DNASE1: variants seen among roughly 807,000 people sequenced by gnomAD.
DNASE1 encodes the protein deoxyribonuclease 1, also known as deoxyribonuclease-1.
In DNASE1, 40 loss-of-function variants were observed where a neutral mutation model predicts 33.9. The observed-to-expected ratio is 1.18, with a 90% CI of 0.92 to 1.54. DNASE1 has a LOEUF of 1.54. Ranked by LOEUF, DNASE1 falls within the 40% of genes most tolerant of loss-of-function variation. The pLI, the probability that DNASE1 is intolerant of heterozygous loss-of-function variation, is 0.00. For synonymous variants in DNASE1, 216 were observed against 160.0 expected (o/e 1.35, Z -2.64); for missense variants, 518 against 372.6 (o/e 1.39, Z -3.21).
At chr16:3,640,895 C>T (rs908279759), upstream of DNASE1, 7 of 398,480 alleles carry the variant, frequency 1.8e-5, no homozygotes, top group South Asian at 2.5e-4. Context: ...GACAGGAGCC[C>T]GTCACCCATG....
At chr16:3,658,519 C>G (rs2042857540), downstream of DNASE1, 39 of 569,424 alleles carry the variant, frequency 6.8e-5, 2 homozygotes, top group South Asian at 8.3e-4. Context: ...CCCATCTCTA[C>G]TAAAATACAA....
intron 1 of DNASE1, among the ~76,000 whole-genome samples, chr16:3,636,410 T>C (rs541271782): frequency 6.6e-6 from 1 of 152,344 alleles, no homozygotes; most frequent in South Asian, 2.1e-4. Flanking sequence ...AATTCTAACA[T>C]CTCTGCTATT....
chr16:3,655,097 G>A (rs1485966920), intron 1 of DNASE1, 53 bp downstream of exon 1: 22 of 592,270 alleles, frequency 3.7e-5, no homozygotes, highest in South Asian at 3.1e-4. Context: ...GAGCAGGGAG[G>A]GAGGCTTAGA....
Position 3,656,739 on chromosome 16 carries a change from TCTC to T in DNASE1, c.424_426del (p.Ser142del). 1.2e-6 allele frequency: 2 copies of T among 1,609,254 alleles called. No individual in the cohort carries two copies. The highest frequency in any genetic ancestry group is 4.5e-5 in the East Asian group (2 of 44,438). Reference sequence around the variant, plus strand: ...CGAGAGCCAGCCATTGTCAGGTTCTTCTCCCGGTTCACAGGTGGGTGCTGCCTG... The same window carrying T: ...CGAGAGCCAGCCATTGTCAGGTTCTTCCGGTTCACAGGTGGGTGCTGCCTG... On this transcript the variant is annotated inframe_deletion, in exon 5 of 9. Coordinates refer to ENST00000246949, the MANE Select transcript of DNASE1 (RefSeq NM_005223.4).
chr16:3,658,460 G>A, downstream of DNASE1: 1 of 583,100 alleles, frequency 1.7e-6, no homozygotes, highest in Non-Finnish European at 3.0e-6. Flanking sequence ...GGGCACGGTG[G>A]CTCACGAGGT....
At chr16:3,635,860 C>G (rs2041853956) in intron 1 of DNASE1, among the ~76,000 whole-genome samples, 1 of 151,984 alleles carries the variant, frequency 6.6e-6, no homozygotes, top group Non-Finnish European at 1.5e-5. Flanking sequence ...TTCTCTTTGT[C>G]TTTGATTTTC....
At chr16:3,616,589 C>G (rs911865027) in intron 1 of DNASE1, among the ~76,000 whole-genome samples, 1 of 152,136 alleles carries the variant, frequency 6.6e-6, no homozygotes, top group Non-Finnish European at 1.5e-5. Context: ...ACACTGCACT[C>G]CAGCCTGGGT....
chr16:3,659,175 G>T, downstream of DNASE1: 1 of 291,144 alleles, frequency 3.4e-6, no homozygotes, highest in African/African-American at 2.2e-5. Context: ...TAAAAGAGAA[G>T]GGAGTAAGAC....
chr16:3,654,344 G>A, upstream of DNASE1: 1 of 398,836 alleles, frequency 2.5e-6, no homozygotes, highest in Admixed American at 4.4e-5. Flanking sequence ...CCCCACCACT[G>A]CTTGTTCCGA....
chr16:3,640,742 G>T, upstream of DNASE1: 1 of 398,648 alleles, frequency 2.5e-6, no homozygotes. Flanking sequence ...GGAACAGCAA[G>T]ATGGCAAAAG....
At chr16:3,656,904 C>G (rs557074344) in intron 5 of DNASE1, 95 bp from the exon 6 acceptor site, 2 of 1,553,042 alleles carry the variant, frequency 1.3e-6, no homozygotes, top group African/African-American at 2.7e-5. Flanking sequence ...ATATCCACCC[C>G]CCGGGGGGAC....
At chr16:3,614,166 C>A (rs1333407849) in intron 1 of DNASE1, among the ~76,000 whole-genome samples, 1 of 152,064 alleles carries the variant, frequency 6.6e-6, no homozygotes, top group Non-Finnish European at 1.5e-5. Context: ...CCCGCCTTGG[C>A]CTCCCAGAGT....
intron 1 of DNASE1, among the ~76,000 whole-genome samples, chr16:3,613,032 A>C (rs1357779939): frequency 6.6e-6 from 1 of 152,210 alleles, no homozygotes; most frequent in African/African-American, 2.4e-5. Flanking sequence ...GTGTACATTC[A>C]GTGGTTTCCA....
downstream of DNASE1, chr16:3,658,415 T>C (rs2042850837): frequency 6.5e-6 from 4 of 611,766 alleles, no homozygotes; most frequent in East Asian, 2.8e-5. Flanking sequence ...CCACCACGCC[T>C]GGCCATTTTT....
intron 1 of DNASE1, among the ~76,000 whole-genome samples, chr16:3,626,210 A>G (rs2041505350): frequency 3.9e-5 from 6 of 152,200 alleles, no homozygotes; most frequent in Admixed American, 3.9e-4. Flanking sequence ...TAAAAAAAAA[A>G]AAATAGAAAA....
At chr16:3,625,870 C>T (rs1347259667) in intron 1 of DNASE1, among the ~76,000 whole-genome samples, 3 of 151,910 alleles carry the variant, frequency 2.0e-5, no homozygotes, top group African/African-American at 4.8e-5. Flanking sequence ...GAGGCCGAGG[C>T]AGAAGGATCG....
At position 3,657,443 on chromosome 16, in the gene DNASE1, C is replaced by T; in HGVS notation, c.704+102C>T. Reference sequence around the variant, plus strand: ...AGCCTCAAAGCCTTTGAACACTCACCCAACTGAGCTTCAGTTGATCCACTA... The same window carrying T: ...AGCCTCAAAGCCTTTGAACACTCACTCAACTGAGCTTCAGTTGATCCACTA... On this transcript the variant is annotated intron_variant, in intron 7 of 8. Transcript: ENST00000246949. 8 of 1,467,982 alleles carry T rather than the reference C, an allele frequency of 5.4e-6. No homozygotes were observed. In the South Asian group the frequency reaches 9.9e-5, roughly 18 times the overall value. 90.9% of individuals were successfully genotyped at this position (1,467,982 alleles called of 1,614,324 possible).
At chr16:3,657,477 A>AGAATAACAAGAGCCACGATTTTTAGGTTT in intron 7 of DNASE1, 136 bp downstream of exon 7, 1 of 1,322,002 alleles carries the variant, frequency 7.6e-7, no homozygotes, top group Admixed American at 2.3e-5. Context: ...TACAGGGAAC[A>AGAATAACAAGAGCCACGATTTTTAGGTTT]GAATAACAAG....
intron 1 of DNASE1, among the ~76,000 whole-genome samples, chr16:3,646,576 C>T (rs1048650579): frequency 6.6e-6 from 1 of 152,148 alleles, no homozygotes; most frequent in Admixed American, 6.6e-5. Flanking sequence ...GGCCCCAGCT[C>T]TGCAGGCAGA....
Sources: gnomAD v4.1 joint callset for allele counts (sites outside exome capture counted in the v4.1 genomes callset) on GRCh38, gnomAD v4.1.1 for gene constraint, MANE v1.5 for transcripts, NCBI Gene and HGNC (gene_info 2026-07-23, HGNC 2026-07-21) for gene names.